GTF2E1: variants seen among roughly 807,000 people sequenced by gnomAD.
GTF2E1 encodes general transcription factor IIE subunit 1, also known as TFIIE alpha subunit.
A neutral mutation model predicts 34.9 loss-of-function variants in GTF2E1; 14 were observed. The ratio of observed to expected loss-of-function variants is 0.40; its 90% CI spans 0.27 to 0.63. The LOEUF is 0.63. Ranked by LOEUF, GTF2E1 falls within the 20% of genes least tolerant of loss-of-function variation. The pLI, the probability that GTF2E1 is intolerant of heterozygous loss-of-function variation, is 0.39. For synonymous variants in GTF2E1, 188 were observed against 192.9 expected (o/e 0.97, Z 0.21); for missense variants, 469 against 557.7 (o/e 0.84, Z 1.60).
chr3:120,743,569 T>C (rs1043294036), intron 1 of GTF2E1, among the ~76,000 whole-genome samples: 1 of 151,988 alleles, frequency 6.6e-6, no homozygotes, highest in Non-Finnish European at 1.5e-5. Flanking sequence ...GAGATAGACA[T>C]GGAGAAAGTA....
In GTF2E1 at chr3:120,776,636, G is replaced by A. The variant is rs1046512887; in HGVS notation, c.864G>A (p.Gly288=). The A allele has an allele frequency of 5.0e-6, 8 of 1,613,466 alleles. No homozygotes were observed. The Admixed American group carries it at 5.0e-5, about 10-fold the overall frequency. The change falls in exon 4 of 5, where the codon GGG becomes GGA. Residue 288 remains glycine (G), a synonymous_variant. Transcript: ENST00000283875. The part of the protein sequence containing the change: ...PIWLRESTVQ[G]AYGSEDMKEG... ...GGTTGAGAGAAAGCACTGTCCAAGG[G>A]GCATATGGTTCTGAAGATATGAAAG...
chr3:120,749,030 A>T (rs1709138401), intron 1 of GTF2E1, among the ~76,000 whole-genome samples: 1 of 152,130 alleles, frequency 6.6e-6, no homozygotes, highest in Admixed American at 6.5e-5. Flanking sequence ...ATGGGAGTTC[A>T]CTCATGATTT....
intron 2 of GTF2E1, among the ~76,000 whole-genome samples, chr3:120,751,677 C>A (rs896139812): frequency 6.6e-6 from 1 of 152,102 alleles, no homozygotes; most frequent in African/African-American, 2.4e-5. Context: ...ACATGAGAAA[C>A]TTTAAAGTTC....
intron 2 of GTF2E1, among the ~76,000 whole-genome samples, chr3:120,767,302 A>T (rs1214937345): frequency 6.6e-6 from 1 of 152,122 alleles, no homozygotes; most frequent in Non-Finnish European, 1.5e-5. Context: ...CAAGACAGAG[A>T]TAGTATTTCT....
intron 4 of GTF2E1, 138 bp from the exon 5 acceptor site, chr3:120,780,905 A>G: frequency 4.9e-6 from 3 of 607,208 alleles, no homozygotes; most frequent in Non-Finnish European, 8.4e-6. Context: ...TATTTTATGG[A>G]TAGCAGCTCA....
At chr3:120,780,948 G>C (rs112802068) in intron 4 of GTF2E1, 95 bp from the exon 5 acceptor site, 17 of 781,138 alleles carry the variant, frequency 2.2e-5, no homozygotes, top group African/African-American at 8.7e-5. Flanking sequence ...TTATTTTATC[G>C]TATTATTTAA....
In GTF2E1 at chr3:120,760,156, T is replaced by C. The variant is rs530714300; in HGVS notation, c.448+9156T>C. ...TTGAAGAGGTCCTTCACATCCCTTA[T>C]AAGTTGGATTCCTAGGTATTTTATT... On this transcript the variant is annotated intron_variant, in intron 2 of 4. Coordinates refer to ENST00000283875, the MANE Select transcript of GTF2E1 (RefSeq NM_005513.3). 2.3e-4 allele frequency among the ~76,000 whole-genome samples: 35 copies of C among 152,320 alleles called. No homozygotes were observed. In the South Asian group the frequency reaches 7.2e-3, roughly 32 times the overall value.
At chr3:120,763,139 A>G (rs1206352133) in intron 2 of GTF2E1, among the ~76,000 whole-genome samples, 2 of 152,166 alleles carry the variant, frequency 1.3e-5, no homozygotes, top group South Asian at 2.1e-4. Flanking sequence ...TCTATTGGCT[A>G]TCGTCTTTTA....
In GTF2E1 at chr3:120,781,696, TTTTA is replaced by T; in HGVS notation, c.*227_*230del. 2.1e-6 allele frequency: 1 copy of T among 471,736 alleles called. No individual in the cohort carries two copies. Among genetic ancestry groups the T allele is most frequent in the Non-Finnish European group, 3.7e-6 (1 of 266,940 alleles). 29.2% of individuals were successfully genotyped at this position (471,736 alleles called of 1,614,324 possible). A position where few individuals can be genotyped will look rare whatever the true frequency, so the allele number is the denominator to read the frequency against. ...CCTTGCTGTCACTACAGTATTAATA[TTTTA>T]CTGTATTTTCTTTTCTTTTTTTTTT... is the stretch of plus-strand genomic sequence containing the variant. On this transcript the variant is annotated 3_prime_UTR_variant, in exon 5 of 5. Transcript: ENST00000283875.
chr3:120,761,632 A>G (rs1032609933), intron 2 of GTF2E1, among the ~76,000 whole-genome samples: 23 of 152,070 alleles, frequency 1.5e-4, no homozygotes, highest in Non-Finnish European at 2.5e-4. Flanking sequence ...CTTTGTTCTC[A>G]TTGGTTTCAA....
At chr3:120,767,536 C>T (rs12491957) in intron 2 of GTF2E1, among the ~76,000 whole-genome samples, 11,018 of 152,202 alleles carry the variant, frequency 0.072, 1,329 homozygotes, top group East Asian at 0.47. Flanking sequence ...GCCCTTCTAT[C>T]GCACCCCATG....
At chr3:120,768,153 A>G (rs568419990) in intron 2 of GTF2E1, among the ~76,000 whole-genome samples, 1 of 152,348 alleles carries the variant, frequency 6.6e-6, no homozygotes, top group South Asian at 2.1e-4. Context: ...TTGGATAATG[A>G]TAATGCTAAG....
intron 4 of GTF2E1, among the ~76,000 whole-genome samples, chr3:120,780,316 G>A (rs149062799): frequency 6.6e-6 from 1 of 152,326 alleles, no homozygotes; most frequent in East Asian, 1.9e-4. Context: ...GGGAAAAATA[G>A]AGCATTGGGA....
At chr3:120,760,358 A>G (rs999553575) in intron 2 of GTF2E1, among the ~76,000 whole-genome samples, 2 of 152,218 alleles carry the variant, frequency 1.3e-5, no homozygotes, top group Admixed American at 6.5e-5. Flanking sequence ...TAAATATACA[A>G]TCATGTCATC....
intron 4 of GTF2E1, among the ~76,000 whole-genome samples, chr3:120,778,697 A>G (rs1441299831): frequency 1.3e-5 from 2 of 152,136 alleles, no homozygotes; most frequent in African/African-American, 4.8e-5. Context: ...TATTTCCAGT[A>G]TCTTTCTGGT....
rs1176851955 is a variant in GTF2E1 at position 120,750,565 on chromosome 3, G to C, written c.13G>C (p.Asp5His). The C allele has an allele frequency of 6.2e-7, 1 of 1,610,260 alleles. No individual in the cohort carries two copies. The highest frequency in any genetic ancestry group is 1.3e-5 in the African/African-American group (1 of 74,846). The change falls in exon 2 of 5, where the codon GAT becomes CAT. Residue 5 changes from aspartate to histidine, a missense_variant. Coordinates refer to ENST00000283875, the MANE Select transcript of GTF2E1 (RefSeq NM_005513.3). ...TTCGTTGCTAAAGATGGCAGACCCA[G>C]ATGTCCTCACTGAAGTTCCAGCAGC... MADPDVLTEVPAALK... is the reference protein window; with the variant it reads MADPHVLTEVPAALK...
intron 4 of GTF2E1, among the ~76,000 whole-genome samples, chr3:120,777,153 G>A (rs1365675164): frequency 2.0e-5 from 3 of 152,184 alleles, no homozygotes; most frequent in Admixed American, 2.0e-4. Context: ...GTCCAAGACG[G>A]TTAGCAGAAC....
intron 1 of GTF2E1, among the ~76,000 whole-genome samples, chr3:120,743,782 G>A (rs535417351): frequency 6.6e-6 from 1 of 152,336 alleles, no homozygotes; most frequent in South Asian, 2.1e-4. Flanking sequence ...TGTGGCTCAT[G>A]GAATTGAGAA....
chr3:120,770,860 CAG>C lies in GTF2E1; in HGVS notation c.584_585del (p.Glu195GlyfsTer7). On this transcript the variant is annotated frameshift_variant, in exon 3 of 5. Coordinates refer to ENST00000283875, the MANE Select transcript of GTF2E1 (RefSeq NM_005513.3). LOFTEE classifies it high-confidence loss of function. Reference sequence around the variant, plus strand: ...CCCATTTATGCATTGCTTCGGGAGACAGAGGATGTGAACTTGGCCTATGAAAT... The same window carrying C: ...CCCATTTATGCATTGCTTCGGGAGACAGGATGTGAACTTGGCCTATGAAAT... 1 of 1,613,644 alleles carries C rather than the reference CAG, an allele frequency of 6.2e-7. No individual in the cohort carries two copies. Among genetic ancestry groups the C allele is most frequent in the Non-Finnish European group, 8.5e-7 (1 of 1,179,636 alleles).
Sources: gnomAD v4.1 joint callset for allele counts (sites outside exome capture counted in the v4.1 genomes callset) on GRCh38, gnomAD v4.1.1 for gene constraint, MANE v1.5 for transcripts, NCBI Gene and HGNC (gene_info 2026-07-23, HGNC 2026-07-21) for gene names.